ADAMTS19: variants seen among roughly 807,000 people sequenced by gnomAD.
ADAMTS19 encodes the protein ADAM metallopeptidase with thrombospondin type 1 motif 19.
In ADAMTS19, 93 loss-of-function variants were observed where a neutral mutation model predicts 153.3. The ratio of observed to expected loss-of-function variants is 0.61; its 90% CI spans 0.51 to 0.72. ADAMTS19 has a LOEUF of 0.72. ADAMTS19 is among the 30% of genes least tolerant of loss of function. ADAMTS19 has a pLI of 0.00. For missense variants in ADAMTS19, 1,482 were observed against 1,552.1 expected, an observed-to-expected ratio of 0.95 and a Z score of 0.76; for synonymous variants, 600 against 556.6, an observed-to-expected ratio of 1.08 and a Z score of -1.10.
At chr5:129,481,857 CT>C (rs915655005) in intron 2 of ADAMTS19, among the ~76,000 whole-genome samples, 3 of 152,066 alleles carry the variant, frequency 2.0e-5, no homozygotes, top group African/African-American at 7.2e-5. Context: ...ACTTGAAGGC[CT>C]TTTTGCCCTA....
chr5:129,492,332 C>G (rs1370260023), intron 2 of ADAMTS19, among the ~76,000 whole-genome samples: 1 of 152,078 alleles, frequency 6.6e-6, no homozygotes, highest in Admixed American at 6.6e-5. Flanking sequence ...ACCTCCAACA[C>G]TGGGGATAAC....
intron 21 of ADAMTS19, among the ~76,000 whole-genome samples, chr5:129,717,633 A>T (rs908780477): frequency 7.2e-5 from 11 of 152,220 alleles, no homozygotes; most frequent in Non-Finnish European, 1.3e-4. Context: ...TGTCGTCTTG[A>T]ATCCGTTTGG....
chr5:129,475,924 C>G (rs552572914), intron 2 of ADAMTS19, among the ~76,000 whole-genome samples: 6 of 152,236 alleles, frequency 3.9e-5, no homozygotes, highest in Admixed American at 6.5e-5. Context: ...AAGAAACTTC[C>G]TGGACTTTGA....
chr5:129,670,060 C>T (rs1453626088), intron 16 of ADAMTS19, among the ~76,000 whole-genome samples: 1 of 152,114 alleles, frequency 6.6e-6, no homozygotes, highest in African/African-American at 2.4e-5. Flanking sequence ...TGATCCTTCA[C>T]TTTCTTTACT....
At chr5:129,586,060 G>A (rs1319591454) in intron 7 of ADAMTS19, among the ~76,000 whole-genome samples, 2 of 152,108 alleles carry the variant, frequency 1.3e-5, no homozygotes, top group African/African-American at 4.8e-5. Context: ...TTGAGTGTAA[G>A]GTACAGAGGT....
intron 6 of ADAMTS19, among the ~76,000 whole-genome samples, chr5:129,543,320 G>A (rs969842790): frequency 5.9e-5 from 9 of 151,996 alleles, no homozygotes; most frequent in African/African-American, 2.2e-4. Flanking sequence ...CCAAAGTGCT[G>A]GAATTACAGG....
rs1330115389 is a variant in ADAMTS19 at position 129,591,349 on chromosome 5, G to C, written c.1373-5210G>C. ...GCTCTATTGCCCAGGCTGAAGTGCA[G>C]TGGCACAATCTCGGCTCACTGCAAC... On this transcript the variant is annotated intron_variant, in intron 7 of 22. Coordinates refer to ENST00000274487, the MANE Select transcript of ADAMTS19 (RefSeq NM_133638.6). 2.0e-5 allele frequency among the ~76,000 whole-genome samples: 3 copies of C among 150,632 alleles called. No homozygotes were observed. The East Asian group carries it at 5.9e-4, about 29-fold the overall frequency.
chr5:129,610,643 T>C (rs1346788793), intron 8 of ADAMTS19, among the ~76,000 whole-genome samples: 1 of 152,202 alleles, frequency 6.6e-6, no homozygotes, highest in Non-Finnish European at 1.5e-5. Flanking sequence ...GGCTGCATAG[T>C]ATTCCATGGT....
At chr5:129,649,022 C>T (rs368036247) in intron 13 of ADAMTS19, 52 bp downstream of exon 13, 39 of 1,480,850 alleles carry the variant, frequency 2.6e-5, no homozygotes, top group African/African-American at 1.5e-4. Flanking sequence ...TCTAGGTTTG[C>T]GAAGTGTTTT....
chr5:129,477,426 G>A (rs960431660), intron 2 of ADAMTS19, among the ~76,000 whole-genome samples: 6 of 152,164 alleles, frequency 3.9e-5, no homozygotes, highest in Non-Finnish European at 5.9e-5. Flanking sequence ...ACCTTCGTAT[G>A]AGGGAGGCAG....
chr5:129,494,251 A>C (rs560062849), intron 2 of ADAMTS19, among the ~76,000 whole-genome samples: 16 of 152,280 alleles, frequency 1.1e-4, no homozygotes, highest in South Asian at 8.3e-4. Flanking sequence ...GCTGCTGGGG[A>C]AAAGTATTCC....
intron 15 of ADAMTS19, among the ~76,000 whole-genome samples, chr5:129,659,265 G>T (rs1243725694): frequency 6.6e-6 from 1 of 152,104 alleles, no homozygotes; most frequent in Admixed American, 6.6e-5. Context: ...TAATAGCAGA[G>T]TTCATCCTCC....
intron 2 of ADAMTS19, among the ~76,000 whole-genome samples, chr5:129,500,787 T>C (rs2126709461): frequency 1.3e-5 from 2 of 152,152 alleles, no homozygotes; most frequent in East Asian, 3.9e-4. Context: ...GCTCTAACTG[T>C]ACAAAGTTGA....
intron 7 of ADAMTS19, among the ~76,000 whole-genome samples, chr5:129,558,388 T>C (rs1438199570): frequency 6.6e-6 from 1 of 152,086 alleles, no homozygotes; most frequent in Non-Finnish European, 1.5e-5. Flanking sequence ...TAATAGGCAG[T>C]AAGAAATTAA....
chr5:129,591,425 T>C (rs1750128440), intron 7 of ADAMTS19, among the ~76,000 whole-genome samples: 1 of 151,966 alleles, frequency 6.6e-6, no homozygotes, highest in Non-Finnish European at 1.5e-5. Flanking sequence ...CCCGAGTAGC[T>C]GGAACTACAG....
Position 129,526,423 on chromosome 5 carries a change from A to G in ADAMTS19, c.1053A>G (p.Ala351=), listed in dbSNP as rs1331813449. The change falls in exon 4 of 23, where the codon GCA becomes GCG. Residue 351 remains alanine, a synonymous_variant. Coordinates refer to ENST00000274487, the MANE Select transcript of ADAMTS19 (RefSeq NM_133638.6). ...TGGTTTCCTATCATGGAGCAGATGC[A>G]GCCAGGAGATTCATTCTAACCATCT... ...PAMVSYHGAD[A]ARRFILTILN... The G allele has an allele frequency of 1.1e-5, 18 of 1,602,942 alleles. No homozygotes were observed. The highest frequency in any genetic ancestry group is 1.5e-5 in the Non-Finnish European group (18 of 1,175,466).
chr5:129,667,077 C>G (rs1754086047), intron 16 of ADAMTS19, among the ~76,000 whole-genome samples: 1 of 152,244 alleles, frequency 6.6e-6, no homozygotes. Context: ...ACAGTAAACG[C>G]CTTTTATAAG....
intron 4 of ADAMTS19, 116 bp from the exon 5 acceptor site, chr5:129,527,632 T>TA (rs1475340326): frequency 4.0e-3 from 893 of 225,712 alleles, no homozygotes; most frequent in South Asian, 5.4e-3. Flanking sequence ...TTTTTTTTTT[T>TA]TAAAAAAAAA....
At chr5:129,511,967 T>C (rs1435074891) in intron 3 of ADAMTS19, among the ~76,000 whole-genome samples, 1 of 151,776 alleles carries the variant, frequency 6.6e-6, no homozygotes, top group Non-Finnish European at 1.5e-5. Flanking sequence ...GAATAACACA[T>C]GAAAAAGTAT....
Sources: gnomAD v4.1 joint callset for allele counts (sites outside exome capture counted in the v4.1 genomes callset) on GRCh38, gnomAD v4.1.1 for gene constraint, MANE v1.5 for transcripts, NCBI Gene and HGNC (gene_info 2026-07-23, HGNC 2026-07-21) for gene names.